Variants in GABRB2 observed in about 807,000 individuals in gnomAD.
GABRB2 encodes gamma-aminobutyric acid receptor subunit beta-2.
A neutral mutation model predicts 54.7 loss-of-function variants in GABRB2; 16 were observed. That is an observed-to-expected ratio of 0.29 (90% CI 0.20 to 0.44). GABRB2 has a LOEUF of 0.44. Ranked by LOEUF, GABRB2 falls within the 20% of genes least tolerant of loss-of-function variation. The pLI, the probability that GABRB2 is intolerant of heterozygous loss-of-function variation, is 1.00. For missense variants in GABRB2, 355 were observed against 644.0 expected (o/e 0.55, Z 4.86); for synonymous variants, 244 against 233.8 (o/e 1.04, Z -0.40).
At chr5:161,336,911 G>A in intron 5 of GABRB2, 142 bp from the exon 6 acceptor site, 5 of 853,116 alleles carry the variant, frequency 5.9e-6, no homozygotes, top group Non-Finnish European at 8.7e-6. Flanking sequence ...TTATGTGTTT[G>A]GTATCATACT....
chr5:161,308,254 C>A (rs917355115), intron 9 of GABRB2, among the ~76,000 whole-genome samples: 3 of 152,172 alleles, frequency 2.0e-5, no homozygotes, highest in Non-Finnish European at 4.4e-5. Context: ...GACTGACCCC[C>A]TGTTTAGGTG....
intron 5 of GABRB2, among the ~76,000 whole-genome samples, chr5:161,393,605 GTTATT>G (rs1012257780): frequency 5.9e-5 from 9 of 151,854 alleles, no homozygotes; most frequent in Non-Finnish European, 1.0e-4. Flanking sequence ...TGTCAGAAAG[GTTATT>G]TTAATATCCT....
chr5:161,337,900 A>G (rs1438665198), intron 5 of GABRB2, among the ~76,000 whole-genome samples: 1 of 152,164 alleles, frequency 6.6e-6, no homozygotes, highest in East Asian at 1.9e-4. Context: ...CAAGTCTGGG[A>G]GACAGGCAAG....
chr5:161,307,381 T>C (rs1757719683), intron 9 of GABRB2, among the ~76,000 whole-genome samples: 1 of 152,222 alleles, frequency 6.6e-6, no homozygotes, highest in Admixed American at 6.5e-5. Context: ...TCAATAAATA[T>C]CTGCTGAAAT....
chr5:161,548,091 G>C (rs1353889827), upstream of GABRB2: 1 of 152,882 alleles, frequency 6.5e-6, no homozygotes, highest in African/African-American at 2.4e-5. Flanking sequence ...CGCGGTCTCC[G>C]CGCCACCTCG....
intron 4 of GABRB2, among the ~76,000 whole-genome samples, chr5:161,431,397 A>G (rs1229666541): frequency 2.6e-5 from 4 of 152,202 alleles, no homozygotes; most frequent in Admixed American, 6.5e-5. Context: ...CAAGAAAAAT[A>G]TCATTGCAAG....
At chr5:161,396,224 C>G (rs1227656337) in intron 5 of GABRB2, among the ~76,000 whole-genome samples, 1 of 152,082 alleles carries the variant, frequency 6.6e-6, no homozygotes, top group Non-Finnish European at 1.5e-5. Context: ...CACACTGAGC[C>G]CAAGTAAACC....
intron 3 of GABRB2, among the ~76,000 whole-genome samples, chr5:161,496,508 A>G (rs947700962): frequency 1.3e-5 from 2 of 152,000 alleles, no homozygotes; most frequent in Non-Finnish European, 2.9e-5. Context: ...AAGAGAAAAA[A>G]GAAAAAAGAA....
At chr5:161,439,829 T>G (rs901927900) in intron 4 of GABRB2, among the ~76,000 whole-genome samples, 6 of 150,006 alleles carry the variant, frequency 4.0e-5, no homozygotes, top group African/African-American at 1.5e-4. Context: ...TTGGTGGGGG[T>G]AGGGGGAGGG....
At chr5:161,463,040 G>A (rs1157746163) in intron 3 of GABRB2, among the ~76,000 whole-genome samples, 3 of 151,818 alleles carry the variant, frequency 2.0e-5, no homozygotes, top group Non-Finnish European at 4.4e-5. Context: ...CTTGATCCAC[G>A]TTATCACCAC....
At chr5:161,541,101 C>T (rs979005181) in intron 3 of GABRB2, among the ~76,000 whole-genome samples, 4 of 152,000 alleles carry the variant, frequency 2.6e-5, no homozygotes, top group African/African-American at 9.7e-5. Flanking sequence ...CGGCCTCAGC[C>T]TCCCAAACTG....
chr5:161,342,211 T>G (rs1429434677), intron 5 of GABRB2, among the ~76,000 whole-genome samples: 2 of 151,812 alleles, frequency 1.3e-5, no homozygotes, highest in Non-Finnish European at 2.9e-5. Flanking sequence ...GGTTTCAGTC[T>G]TTTAAGAACC....
At chr5:161,294,543 A>T in intron 9 of GABRB2, 115 bp from the exon 10 acceptor site, 1 of 811,426 alleles carries the variant, frequency 1.2e-6, no homozygotes, top group Non-Finnish European at 1.9e-6. Context: ...AAAGAGAGCT[A>T]CCTTTGCGAT....
chr5:161,351,612 C>G (rs974965272), intron 5 of GABRB2, among the ~76,000 whole-genome samples: 1 of 151,852 alleles, frequency 6.6e-6, no homozygotes, highest in Non-Finnish European at 1.5e-5. Flanking sequence ...GAAAACAAAG[C>G]GGGAAAAGCT....
chr5:161,296,551 T>C (rs1056093166), intron 9 of GABRB2, among the ~76,000 whole-genome samples: 1 of 152,238 alleles, frequency 6.6e-6, no homozygotes, highest in African/African-American at 2.4e-5. Context: ...AAACAAATTA[T>C]TTTTGAGTAA....
At chr5:161,398,294 G>T (rs1292926390) in intron 5 of GABRB2, among the ~76,000 whole-genome samples, 2 of 152,110 alleles carry the variant, frequency 1.3e-5, no homozygotes. Flanking sequence ...TTTCCTGACT[G>T]GCTGTCATAC....
intron 3 of GABRB2, among the ~76,000 whole-genome samples, chr5:161,521,448 G>GA (rs904767077): frequency 2.0e-5 from 3 of 150,804 alleles, no homozygotes; most frequent in East Asian, 1.9e-4. Flanking sequence ...GTTTATTTTC[G>GA]AAAAAAAAGA....
intron 5 of GABRB2, among the ~76,000 whole-genome samples, chr5:161,386,453 G>A (rs1755634641): frequency 6.6e-6 from 1 of 152,094 alleles, no homozygotes. Context: ...GAAGCTGAGT[G>A]ATATTTAGAA....
At chr5:161,436,647 C>A (rs1757319664) in intron 4 of GABRB2, among the ~76,000 whole-genome samples, 1 of 152,002 alleles carries the variant, frequency 6.6e-6, no homozygotes, top group Admixed American at 6.6e-5. Flanking sequence ...CAACTATCTA[C>A]ACAGAAAAAT....
Sources: gnomAD v4.1 joint callset for allele counts (sites outside exome capture counted in the v4.1 genomes callset) on GRCh38, gnomAD v4.1.1 for gene constraint, MANE v1.5 for transcripts, NCBI Gene and HGNC (gene_info 2026-07-23, HGNC 2026-07-21) for gene names.